Variants in PUS7 observed in about 807,000 individuals in gnomAD.
The protein encoded by PUS7 is pseudouridylate synthase 7 homolog.
A neutral mutation model predicts 79.8 loss-of-function variants in PUS7; 48 were observed. The observed-to-expected ratio is 0.60, with a 90% CI of 0.48 to 0.76. PUS7 has a LOEUF of 0.76. Among genes scored for constraint, PUS7 ranks in the 30% least tolerant of loss-of-function variants. PUS7 has a pLI of 0.00. For synonymous variants in PUS7, 286 were observed against 272.2 expected, an observed-to-expected ratio of 1.05 and a Z score of -0.50; for missense variants, 729 against 797.6, an observed-to-expected ratio of 0.91 and a Z score of 1.04.
Position 105,457,917 on chromosome 7 carries a change from T to A in PUS7, c.1859A>T (p.Tyr620Phe), listed in dbSNP as rs1486329758. Residue 620 changes from tyrosine to phenylalanine, a missense_variant, in exon 16 of 16, where the codon TAC (tyrosine) becomes TTC (phenylalanine). Physicochemically the swap from Tyr to Phe is conservative, Grantham distance 22. Coordinates refer to ENST00000469408, the MANE Select transcript of PUS7 (RefSeq NM_019042.5). ...TPPVFASEGK[Y>F]RALKMDFSLP... Reference sequence around the variant, plus strand: ...AGAAAAATCCATTTTCAGAGCCCTGTATTTGCCTTCTGCAAGGCAAGAAAG... The same window carrying A: ...AGAAAAATCCATTTTCAGAGCCCTGAATTTGCCTTCTGCAAGGCAAGAAAG... The A allele has an allele frequency of 6.2e-7, 1 of 1,613,460 alleles. No individual in the cohort carries two copies. The highest frequency in any genetic ancestry group is 8.5e-7 in the Non-Finnish European group (1 of 1,179,778).
chr7:105,486,444 T>A (rs1824553565), intron 7 of PUS7, among the ~76,000 whole-genome samples: 1 of 152,154 alleles, frequency 6.6e-6, no homozygotes, highest in Non-Finnish European at 1.5e-5. Context: ...CAGGTTGGAG[T>A]GCAGTGGTGC....
chr7:105,476,804 G>A (rs938343457), intron 9 of PUS7, among the ~76,000 whole-genome samples: 2 of 152,120 alleles, frequency 1.3e-5, no homozygotes, highest in African/African-American at 2.4e-5. Context: ...CCTTCCCAAC[G>A]GATATGAAGT....
intron 9 of PUS7, among the ~76,000 whole-genome samples, chr7:105,478,880 T>C (rs1824208065): frequency 6.6e-6 from 1 of 152,226 alleles, no homozygotes. Context: ...ATTTTTGTTG[T>C]GGGATAAATT....
chr7:105,472,698 A>T (rs1271280152), intron 9 of PUS7, among the ~76,000 whole-genome samples: 1 of 152,212 alleles, frequency 6.6e-6, no homozygotes, highest in Non-Finnish European at 1.5e-5. Context: ...TAAAAATGTG[A>T]TAATAGTATA....
chr7:105,515,400 A>G (rs561757228), intron 1 of PUS7, among the ~76,000 whole-genome samples: 117 of 152,248 alleles, frequency 7.7e-4, no homozygotes, highest in South Asian at 2.5e-3. Flanking sequence ...GGACATCCTC[A>G]AACTTTGCAC....
chr7:105,484,779 C>T (rs1824478006), intron 7 of PUS7, among the ~76,000 whole-genome samples: 1 of 148,152 alleles, frequency 6.7e-6, no homozygotes, highest in Non-Finnish European at 1.5e-5. Context: ...GATCGTGCCA[C>T]TGCACTCCAG....
intron 9 of PUS7, among the ~76,000 whole-genome samples, chr7:105,480,257 A>T (rs1824266453): frequency 6.6e-6 from 1 of 152,052 alleles, no homozygotes; most frequent in African/African-American, 2.4e-5. Flanking sequence ...GGATCATTTG[A>T]GGTCAGGAGT....
At chr7:105,473,718 C>T (rs147845712) in intron 9 of PUS7, among the ~76,000 whole-genome samples, 1,650 of 152,220 alleles carry the variant, frequency 0.011, 28 homozygotes, top group African/African-American at 0.037. Context: ...TGTGCCCGGC[C>T]AATTTTTGTA....
In PUS7 at chr7:105,507,198, A is replaced by G. The variant is rs146367015; in HGVS notation, c.398+917T>C. Among the ~76,000 whole-genome samples, 277 of 152,098 alleles carry G rather than the reference A, an allele frequency of 1.8e-3. 2 individuals are homozygous for G. Among genetic ancestry groups the G allele is most frequent in the African/African-American group, 6.1e-3 (251 of 41,476 alleles). On this transcript the variant is annotated intron_variant, in intron 2 of 15. Coordinates refer to ENST00000469408, the MANE Select transcript of PUS7 (RefSeq NM_019042.5). ...GTAGCTGGGATTACAGGCGCGTGCC[A>G]CTACGCCAGGCTAATTTTTGTATTA...
intron 1 of PUS7, among the ~76,000 whole-genome samples, chr7:105,510,010 T>G (rs765143062): frequency 1.3e-5 from 2 of 152,070 alleles, no homozygotes; most frequent in Non-Finnish European, 2.9e-5. Flanking sequence ...AAAAACTGAT[T>G]AATATTGTGG....
chr7:105,458,796 C>T (rs1344791763), intron 15 of PUS7, among the ~76,000 whole-genome samples: 1 of 151,604 alleles, frequency 6.6e-6, no homozygotes, highest in Non-Finnish European at 1.5e-5. Context: ...CTCCTGACCT[C>T]GTGATCCGCC....
intron 13 of PUS7, among the ~76,000 whole-genome samples, chr7:105,464,269 C>A (rs1457910663): frequency 6.6e-6 from 1 of 152,172 alleles, no homozygotes; most frequent in African/African-American, 2.4e-5. Flanking sequence ...ACCCCAACAG[C>A]TAGTAAAACA....
rs1586075351 is a variant in PUS7, at chr7:105,457,276, A to G, written c.*514T>C. ...AATCTAGTACATAAGCAGGATAATGACAATCACTTTTTGTTTATAAATTTG... is the reference window on the plus strand; with the variant it reads ...AATCTAGTACATAAGCAGGATAATGGCAATCACTTTTTGTTTATAAATTTG... On this transcript the variant is annotated 3_prime_UTR_variant, in exon 16 of 16. Transcript: ENST00000469408. 6.6e-6 allele frequency: 1 copy of G among 152,406 alleles called. No homozygotes were observed. Among genetic ancestry groups the G allele is most frequent in the East Asian group, 1.9e-4 (1 of 5,196 alleles). 9.4% of individuals were successfully genotyped at this position (152,406 alleles called of 1,614,324 possible).
In PUS7 at chr7:105,475,467, C is replaced by G. The variant is rs199753411; in HGVS notation, c.1176-3274G>C. Among the ~76,000 whole-genome samples the G allele has an allele frequency of 1.9e-3, 289 of 151,892 alleles. 1 individual carries two copies. Among genetic ancestry groups the G allele is most frequent in the East Asian group, 0.01 (52 of 5,164 alleles). ...CCTGGAGTGCTGGGATTACAGGCGT[C>G]AGCCACCGTGCCAGGCCATTTTTTT... On this transcript the variant is annotated intron_variant, in intron 9 of 15. Transcript: ENST00000469408.
intron 2 of PUS7, among the ~76,000 whole-genome samples, chr7:105,506,611 C>T (rs899531272): frequency 7.2e-5 from 11 of 151,878 alleles, no homozygotes; most frequent in Admixed American, 3.9e-4. Context: ...TTAGTAGAGA[C>T]GGGGTTGCAC....
At chr7:105,496,218 T>TAGAGAGAG (rs1309951962) in intron 5 of PUS7, among the ~76,000 whole-genome samples, 82 of 81,810 alleles carry the variant, frequency 1.0e-3, no homozygotes, top group Non-Finnish European at 1.2e-3. Flanking sequence ...TATATATATA[T>TAGAGAGAG]ATATATATAG....
chr7:105,514,877 C>T (rs978009239), intron 1 of PUS7, among the ~76,000 whole-genome samples: 84 of 151,806 alleles, frequency 5.5e-4, no homozygotes, highest in African/African-American at 2.0e-3. Context: ...CTGCAAGCTC[C>T]GCCTCCTGGG....
chr7:105,520,773 C>G (rs1449044094), intron 1 of PUS7, among the ~76,000 whole-genome samples: 1 of 151,898 alleles, frequency 6.6e-6, no homozygotes, highest in East Asian at 1.9e-4. Context: ...TGTGGTTGCT[C>G]AAGCCTGTAA....
chr7:105,471,963 T>C (rs1450567686), intron 10 of PUS7, among the ~76,000 whole-genome samples, 169 bp downstream of exon 10: 1 of 149,178 alleles, frequency 6.7e-6, no homozygotes, highest in Non-Finnish European at 1.5e-5. Flanking sequence ...ATCTTAAATA[T>C]ACATATACAA....
Sources: gnomAD v4.1 joint callset for allele counts (sites outside exome capture counted in the v4.1 genomes callset) on GRCh38, gnomAD v4.1.1 for gene constraint, MANE v1.5 for transcripts, NCBI Gene and HGNC (gene_info 2026-07-23, HGNC 2026-07-21) for gene names.